NHS: variants seen among roughly 807,000 people sequenced by gnomAD.
NHS encodes actin remodeling regulator NHS.
NHS carries 5 observed loss-of-function variants against 72.5 expected under a neutral mutation model. The observed-to-expected ratio is 0.07, with a 90% CI of 0.04 to 0.14. The LOEUF is 0.14. NHS is among the 10% of genes least tolerant of loss of function. The pLI is 1.00. For missense variants in NHS, 1,072 were observed against 1,355.7 expected (o/e 0.79, Z 3.29); for synonymous variants, 464 against 547.7 (o/e 0.85, Z 2.13).
rs775143015 is a variant in NHS, at chrX:17,731,890, C to A, written c.4382C>A (p.Ser1461Tyr). Residue 1461 changes from serine to tyrosine, a missense_variant, in exon 9 of 9, where the codon TCC becomes TAC. By Grantham distance (144) the Ser-to-Tyr change is moderately radical (BLOSUM62 -2). Transcript: ENST00000676302. ...SKRKVLGRKD[S>Y]GDMSVRSKSR... ...AGGAAAGTACTTGGAAGAAAAGATT[C>A]CGGGGACATGTCTGTTCGAAGCAAA... 1 of 1,202,601 alleles carries A rather than the reference C, an allele frequency of 8.3e-7. No homozygotes were observed. Among genetic ancestry groups the A allele is most frequent in the Non-Finnish European group, 1.1e-6 (1 of 890,213 alleles).
At chrX:17,622,793 C>T (rs766872707) in intron 1 of NHS, among the ~76,000 whole-genome samples, 4 of 111,504 alleles carry the variant, frequency 3.6e-5, no homozygotes, top group Non-Finnish European at 7.5e-5. Flanking sequence ...ATTTAGGGCC[C>T]TGCAATCAGG....
chrX:17,432,506 T>A (rs1164719035), intron 1 of NHS, among the ~76,000 whole-genome samples: 1 of 112,943 alleles, frequency 8.9e-6, no homozygotes, highest in Non-Finnish European at 1.9e-5. Context: ...TCTTCCTCTA[T>A]GCTTTTATAT....
chrX:17,419,841 T>C (rs2064614726), intron 1 of NHS, among the ~76,000 whole-genome samples: 1 of 111,964 alleles, frequency 8.9e-6, no homozygotes, highest in Non-Finnish European at 1.9e-5. Flanking sequence ...TTTTGAATTA[T>C]CAAAGTGCCT....
chrX:17,627,467 A>T (rs1025257137), intron 1 of NHS, among the ~76,000 whole-genome samples: 2 of 112,195 alleles, frequency 1.8e-5, no homozygotes, highest in African/African-American at 6.5e-5. Context: ...AATTAATACA[A>T]TCAACTCAGA....
intron 1 of NHS, among the ~76,000 whole-genome samples, chrX:17,666,686 G>T (rs185079597): frequency 1.8e-5 from 2 of 112,633 alleles, no homozygotes; most frequent in Non-Finnish European, 3.7e-5. Context: ...GAGCAGGCAG[G>T]ATAAAAAACT....
intron 1 of NHS, among the ~76,000 whole-genome samples, chrX:17,671,072 GC>G (rs939709349): frequency 1.8e-5 from 2 of 111,705 alleles, no homozygotes; most frequent in East Asian, 2.8e-4. Flanking sequence ...CATGGGCTGG[GC>G]CACAGGCACT....
At chrX:17,424,508 G>A (rs1017405540) in intron 1 of NHS, among the ~76,000 whole-genome samples, 9 of 111,832 alleles carry the variant, frequency 8.0e-5, no homozygotes, top group African/African-American at 2.9e-4. Context: ...TCTGGGTGCA[G>A]GGCCGTGTGG....
At chrX:17,665,163 C>T (rs2066003906) in intron 1 of NHS, among the ~76,000 whole-genome samples, 1 of 108,540 alleles carries the variant, frequency 9.2e-6, no homozygotes, top group Non-Finnish European at 1.9e-5. Context: ...TTGTAGATTC[C>T]ATAGGGTTTT....
chrX:17,467,247 CA>C (rs1409259372), intron 1 of NHS, among the ~76,000 whole-genome samples: 1 of 111,158 alleles, frequency 9.0e-6, no homozygotes, highest in Non-Finnish European at 1.9e-5. Flanking sequence ...TTTTAAATTC[CA>C]AAAAAAGAAA....
At chrX:17,500,358 C>A (rs1206761284) in intron 1 of NHS, among the ~76,000 whole-genome samples, 1 of 111,967 alleles carries the variant, frequency 8.9e-6, no homozygotes, top group Non-Finnish European at 1.9e-5. Flanking sequence ...GCTGGAGAAC[C>A]CAGATGATTG....
At chrX:17,524,283 GGCA>G (rs1207251739) in intron 1 of NHS, among the ~76,000 whole-genome samples, 6 of 111,787 alleles carry the variant, frequency 5.4e-5, no homozygotes, top group Non-Finnish European at 1.1e-4. Flanking sequence ...TTTAGGAGTA[GGCA>G]GCTGTCATCA....
chrX:17,632,196 C>T (rs994673815), intron 1 of NHS, among the ~76,000 whole-genome samples: 6 of 111,298 alleles, frequency 5.4e-5, no homozygotes, highest in Admixed American at 3.8e-4. Flanking sequence ...ACTTATGCCA[C>T]AGTAGGTAAT....
At chrX:17,649,405 G>A (rs1601817287) in intron 1 of NHS, among the ~76,000 whole-genome samples, 2 of 111,061 alleles carry the variant, frequency 1.8e-5, no homozygotes, top group East Asian at 5.7e-4. Context: ...CATTGGATAA[G>A]GTTTTCAAAC....
chrX:17,703,017 C>A (rs2066275016), intron 3 of NHS, among the ~76,000 whole-genome samples: 1 of 110,711 alleles, frequency 9.0e-6, no homozygotes, highest in Non-Finnish European at 1.9e-5. Context: ...ACCTGTAATC[C>A]CAACACTTTG....
chrX:17,527,785 A>G (rs1203203823), intron 1 of NHS, among the ~76,000 whole-genome samples: 2 of 111,039 alleles, frequency 1.8e-5, no homozygotes, highest in African/African-American at 6.6e-5. Context: ...GTTTGATAAG[A>G]TATCTGGTAA....
At chrX:17,606,595 C>A (rs751415277) in intron 1 of NHS, among the ~76,000 whole-genome samples, 2 of 111,942 alleles carry the variant, frequency 1.8e-5, no homozygotes, top group East Asian at 2.8e-4. Flanking sequence ...GTTGGAGGGG[C>A]CAAAAAGGAT....
chrX:17,480,884 T>C (rs1220334019), intron 1 of NHS, among the ~76,000 whole-genome samples: 1 of 111,302 alleles, frequency 9.0e-6, no homozygotes, highest in Admixed American at 9.6e-5. Flanking sequence ...CTCTTTATAA[T>C]ATATATACTC....
At chrX:17,679,684 C>A (rs1191670620) in intron 1 of NHS, among the ~76,000 whole-genome samples, 2 of 111,007 alleles carry the variant, frequency 1.8e-5, no homozygotes, top group African/African-American at 3.3e-5. Flanking sequence ...ACCAAGGTAA[C>A]CAAGTTGGGC....
At chrX:17,704,837 G>A (rs1342309117) in intron 3 of NHS, among the ~76,000 whole-genome samples, 2 of 112,120 alleles carry the variant, frequency 1.8e-5, no homozygotes, top group African/African-American at 3.2e-5. Flanking sequence ...GGGGTGCCAC[G>A]TGGAACAGAG....
Sources: allele counts gnomAD v4.1 joint callset (sites outside exome capture counted in the v4.1 genomes callset), GRCh38; gene constraint gnomAD v4.1.1; transcripts MANE v1.5; gene names NCBI Gene and HGNC (gene_info 2026-07-23, HGNC 2026-07-21).